Variants in DOCK3 observed in about 807,000 individuals in gnomAD.
DOCK3 encodes dedicator of cytokinesis 3, also known as dedicator of cytokinesis protein 3.
A neutral mutation model predicts 265.6 loss-of-function variants in DOCK3; 60 were observed. The ratio of observed to expected loss-of-function variants is 0.23; its 90% CI spans 0.18 to 0.28. The LOEUF is 0.28. Among genes scored for constraint, DOCK3 ranks in the 10% least tolerant of loss-of-function variants. The probability of loss-of-function intolerance (pLI) is 1.00; values close to 1 mark genes in which losing one functional copy is unlikely to be tolerated. For synonymous variants in DOCK3, 881 were observed against 938.0 expected, an observed-to-expected ratio of 0.94 and a Z score of 1.11; for missense variants, 1,981 against 2,594.3, an observed-to-expected ratio of 0.76 and a Z score of 5.14.
intron 2 of DOCK3, among the ~76,000 whole-genome samples, chr3:50,815,342 A>G (rs1655451745): frequency 6.6e-6 from 1 of 152,148 alleles, no homozygotes; most frequent in South Asian, 2.1e-4. Context: ...TGGAATTAAT[A>G]TTTGACTTAT....
chr3:51,333,325 C>A, intron 35 of DOCK3, 72 bp downstream of exon 35: 2 of 1,455,358 alleles, frequency 1.4e-6, no homozygotes, highest in South Asian at 1.1e-5. Context: ...TCCCCCTGAC[C>A]TGAAAACTGA....
rs55819876 is a variant in DOCK3, at chr3:51,100,972, A to T, written c.746+10588A>T. Among the ~76,000 whole-genome samples the T allele has an allele frequency of 5.7e-3, 803 of 140,928 alleles. 8 individuals carry two copies. Among genetic ancestry groups the T allele is most frequent in the African/African-American group, 0.018 (694 of 38,388 alleles). 92.5% of individuals were successfully genotyped at this position (140,928 alleles called of 152,430 possible). On this transcript the variant is annotated intron_variant, in intron 9 of 52. Transcript: ENST00000266037. ...ACCACGCCTGGCTAATTAAAAAAAA[A>T]TTTTTTTTTTTTTGTAGAGATGACA...
At chr3:50,919,795 G>A (rs182023755) in intron 4 of DOCK3, among the ~76,000 whole-genome samples, 2 of 152,278 alleles carry the variant, frequency 1.3e-5, no homozygotes, top group East Asian at 1.9e-4. Context: ...ATGTCGAATA[G>A]GAGTGGTGAG....
intron 9 of DOCK3, among the ~76,000 whole-genome samples, chr3:51,119,729 A>T (rs2083925702): frequency 6.6e-6 from 1 of 151,734 alleles, no homozygotes; most frequent in Non-Finnish European, 1.5e-5. Context: ...AGTCTCTGAT[A>T]TCCTTTCTTC....
chr3:51,362,680 G>T lies in DOCK3; in HGVS notation c.5293+6G>T. ...TGCCCCTTCCAGTGCCCGAGGTAAG[G>T]ATGGCAGGGTGCTACTTGCAGAATG... On this transcript the variant is annotated splice_donor_region_variant and intron_variant, in intron 49 of 52. Coordinates refer to ENST00000266037, the MANE Select transcript of DOCK3 (RefSeq NM_004947.5). 6.2e-7 allele frequency: 1 copy of T among 1,612,442 alleles called. No homozygotes were observed. The highest frequency in any genetic ancestry group is 8.5e-7 in the Non-Finnish European group (1 of 1,179,242).
intron 1 of DOCK3, among the ~76,000 whole-genome samples, chr3:50,700,562 T>G (rs1476209549): frequency 6.6e-6 from 1 of 152,230 alleles, no homozygotes; most frequent in Non-Finnish European, 1.5e-5. Context: ...CTTAGTTCAC[T>G]TCACATAATG....
intron 4 of DOCK3, among the ~76,000 whole-genome samples, chr3:50,904,520 C>T (rs906764793): frequency 7.9e-5 from 12 of 152,090 alleles, no homozygotes; most frequent in African/African-American, 1.7e-4. Flanking sequence ...CCAGTGACAA[C>T]GAATATTTTT....
At position 51,356,408 on chromosome 3, in the gene DOCK3, G is replaced by A. The variant is rs1007036725; in HGVS notation, c.4418G>A (p.Ser1473Asn). 2.5e-6 allele frequency: 4 copies of A among 1,613,450 alleles called. No individual in the cohort carries two copies. The highest frequency in any genetic ancestry group is 3.4e-6 in the Non-Finnish European group (4 of 1,179,820). The change falls in exon 43 of 53, where the codon AGC (serine) becomes AAC (asparagine). Residue 1473 changes from serine (S) to asparagine (N), a missense_variant and splice_region_variant. Transcript: ENST00000266037. The part of the protein sequence containing the change: ...GPKDKENEFK[S>N]LWIERTTLTL... ...TACCTGCCTGTTCCCTCCCTACAGA[G>A]CCTGTGGATTGAACGTACCACACTG...
rs149089342 is a variant in DOCK3, at chr3:51,021,390, A to C, written c.316-43058A>C. Among the ~76,000 whole-genome samples the C allele has an allele frequency of 3.8e-4, 58 of 152,336 alleles. No homozygotes were observed. In the East Asian group the frequency reaches 0.011, roughly 28 times the overall value. On this transcript the variant is annotated intron_variant, in intron 5 of 52. Transcript: ENST00000266037. ...CCATCAGACTAACAGTGAACCTCTC[A>C]GTGGAAATCCTATTTATATATTCTT...
rs1347361748 is a variant in DOCK3 at position 51,374,606 on chromosome 3, T to C, written c.5412+19T>C. 1 of 1,594,994 alleles carries C rather than the reference T, an allele frequency of 6.3e-7. No individual in the cohort carries two copies. Among genetic ancestry groups the C allele is most frequent in the Non-Finnish European group, 8.6e-7 (1 of 1,168,438 alleles). On this transcript the variant is annotated intron_variant, in intron 50 of 52. Transcript: ENST00000266037. The surrounding 1 kb of genome is among the most constrained non-coding windows in gnomAD (Gnocchi z 4.8). Reference sequence around the variant, plus strand: ...CGGACAGGTAATAGACCCACCACACTGACTGTCCTCTGCTGCAAGTGTGTT... The same window carrying C: ...CGGACAGGTAATAGACCCACCACACCGACTGTCCTCTGCTGCAAGTGTGTT...
At chr3:51,337,802 A>G (rs555855192) in intron 35 of DOCK3, among the ~76,000 whole-genome samples, 1 of 152,298 alleles carries the variant, frequency 6.6e-6, no homozygotes, top group East Asian at 1.9e-4. Context: ...AATGCAGCTC[A>G]GTCCTGGCTG....
intron 22 of DOCK3, among the ~76,000 whole-genome samples, chr3:51,256,684 C>G (rs1370187854): frequency 1.3e-5 from 2 of 151,550 alleles, no homozygotes; most frequent in African/African-American, 2.4e-5. Context: ...GCCTCCACCT[C>G]CCGTGTTCAA....
At chr3:51,232,658 G>A (rs1412646717) in intron 19 of DOCK3, among the ~76,000 whole-genome samples, 1 of 152,104 alleles carries the variant, frequency 6.6e-6, no homozygotes. Context: ...ATGTTTGTTG[G>A]CTGTTTGTAT....
chr3:50,759,765 G>T (rs1171737727), intron 1 of DOCK3, among the ~76,000 whole-genome samples: 1 of 151,582 alleles, frequency 6.6e-6, no homozygotes, highest in Non-Finnish European at 1.5e-5. Context: ...GGCTGAGGTG[G>T]GAGTATTGCC....
At chr3:51,313,047 GAT>G in intron 31 of DOCK3, 145 bp downstream of exon 31, 1 of 763,258 alleles carries the variant, frequency 1.3e-6, no homozygotes, top group Non-Finnish European at 2.2e-6. Flanking sequence ...ACCTCAGATG[GAT>G]GGTGTAGCAC....
chr3:50,828,344 A>G (rs868780232), intron 2 of DOCK3, among the ~76,000 whole-genome samples: 1 of 152,110 alleles, frequency 6.6e-6, no homozygotes, highest in African/African-American at 2.4e-5. Flanking sequence ...TTATGCAACT[A>G]TGGTCTATAT....
At chr3:51,248,657 G>A (rs1004863546) in intron 22 of DOCK3, among the ~76,000 whole-genome samples, 9 of 149,870 alleles carry the variant, frequency 6.0e-5, no homozygotes, top group South Asian at 2.1e-4. Flanking sequence ...GCCGCCCATC[G>A]TCTGGGATGT....
At chr3:50,947,892 G>T (rs1219096206) in intron 5 of DOCK3, among the ~76,000 whole-genome samples, 3 of 135,370 alleles carry the variant, frequency 2.2e-5, no homozygotes, top group Non-Finnish European at 4.7e-5. Context: ...GTCTTGCTCT[G>T]TTGCCCAGGC....
intron 22 of DOCK3, among the ~76,000 whole-genome samples, chr3:51,249,988 C>T (rs1183134552): frequency 1.3e-5 from 2 of 151,888 alleles, no homozygotes; most frequent in African/African-American, 4.8e-5. Context: ...CAACCCTGTG[C>T]TCTCTGAAAC....
Sources: allele counts gnomAD v4.1 joint callset (sites outside exome capture counted in the v4.1 genomes callset), GRCh38; gene constraint gnomAD v4.1.1; non-coding constraint Gnocchi (gnomAD v3.1); transcripts MANE v1.5; gene names NCBI Gene and HGNC (gene_info 2026-07-23, HGNC 2026-07-21).